Variants in CNOT1 observed in about 807,000 individuals in gnomAD.
CNOT1 encodes CCR4-NOT transcription complex subunit 1.
CNOT1 carries 15 observed loss-of-function variants against 273.8 expected under a neutral mutation model. The observed-to-expected ratio is 0.05, with a 90% CI of 0.04 to 0.08. CNOT1 has a LOEUF of 0.08. Ranked by LOEUF, CNOT1 falls within the 10% of genes least tolerant of loss-of-function variation. The pLI, the probability that CNOT1 is intolerant of heterozygous loss-of-function variation, is 1.00. For missense variants in CNOT1, 1,644 were observed against 2,912.2 expected (o/e 0.56, Z 10.02); for synonymous variants, 1,022 against 1,005.5 (o/e 1.02, Z -0.31).
chr16:58,550,354 G>C (rs967181098), intron 24 of CNOT1, among the ~76,000 whole-genome samples: 1 of 152,072 alleles, frequency 6.6e-6, no homozygotes, highest in Non-Finnish European at 1.5e-5. Context: ...ATTAAATGTA[G>C]ATTTTCTTCT....
rs527624689 is a variant in CNOT1 at position 58,591,733 on chromosome 16, G to A, written c.103-2827C>T. Among the ~76,000 whole-genome samples the A allele has an allele frequency of 6.0e-4, 90 of 150,244 alleles. 1 individual carries two copies. The highest frequency in any genetic ancestry group is 1.1e-3 in the Non-Finnish European group (76 of 67,750). ...CATACCATTGCACTCCAGCCTGGGC[G>A]ACAAGAGCAAAACTCCGTCTCGAAA... On this transcript the variant is annotated intron_variant, in intron 2 of 48. Transcript: ENST00000317147.
chr16:58,551,287 T>C lies in CNOT1; in HGVS notation c.3202-15A>G, dbSNP rs1489871927. 1 of 1,528,158 alleles carries C rather than the reference T, an allele frequency of 6.5e-7. No individual in the cohort carries two copies. The highest frequency in any genetic ancestry group is 8.8e-7 in the Non-Finnish European group (1 of 1,138,178). The allele number at this position is 1,528,158 out of a possible 1,614,324, so 94.7% of individuals were successfully genotyped here. A position where few individuals can be genotyped will look rare whatever the true frequency, so the allele number is the denominator to read the frequency against. ...TTAATAGAAGGCTAAAAAAAAAAAATAAAGTACATAAGGCAAATAAGTTGA... is the reference window on the plus strand; with the variant it reads ...TTAATAGAAGGCTAAAAAAAAAAAACAAAGTACATAAGGCAAATAAGTTGA... On this transcript the variant is annotated splice_polypyrimidine_tract_variant and intron_variant, in intron 23 of 48. Transcript: ENST00000317147.
At chr16:58,601,309 G>GCA (rs1224708682) in intron 1 of CNOT1, among the ~76,000 whole-genome samples, 1 of 152,134 alleles carries the variant, frequency 6.6e-6, no homozygotes, top group African/African-American at 2.4e-5. Flanking sequence ...TGATGGCCAG[G>GCA]CTGGTCTCTT....
At chr16:58,528,106 C>G in intron 44 of CNOT1, 2 of 458,916 alleles carry the variant, frequency 4.4e-6, no homozygotes, top group South Asian at 3.1e-5. Context: ...GAGTAAGACT[C>G]TGCCTCAAAA....
intron 10 of CNOT1, among the ~76,000 whole-genome samples, chr16:58,582,541 A>G (rs2041692461): frequency 6.6e-6 from 1 of 152,242 alleles, no homozygotes; most frequent in Non-Finnish European, 1.5e-5. Context: ...TAGAAGTGGC[A>G]AGATAATTAT....
At chr16:58,555,692 G>A (rs1489914351) in intron 20 of CNOT1, 92 bp downstream of exon 20, 1 of 1,577,566 alleles carries the variant, frequency 6.3e-7, no homozygotes, top group African/African-American at 1.4e-5. Flanking sequence ...CTATATCAGG[G>A]CACTTTGAGC....
At chr16:58,622,019 A>C (rs1374950311) in intron 1 of CNOT1, among the ~76,000 whole-genome samples, 1 of 150,006 alleles carries the variant, frequency 6.7e-6, no homozygotes, top group African/African-American at 2.5e-5. Flanking sequence ...CATCAATTGT[A>C]AGAAATGTAC....
intron 22 of CNOT1, among the ~76,000 whole-genome samples, 184 bp downstream of exon 22, chr16:58,553,598 T>G (rs961435158): frequency 5.9e-5 from 9 of 152,174 alleles, no homozygotes; most frequent in African/African-American, 2.2e-4. Flanking sequence ...GAATGATTAT[T>G]TTTTCATGTT....
Position 58,578,756 on chromosome 16 carries a change from A to G in CNOT1, c.1527T>C (p.Ile509=), listed in dbSNP as rs1252951500. ...CTGAGTTAGGATGGTTTCCAAGGAA[A>G]ATTGGCATCAGAGTGGAGATAAGTT... ...RHELISTLMP[I]FLGNHPNSAI... Residue 509 remains isoleucine, a synonymous_variant, in exon 13 of 49, where the codon ATT becomes ATC. Transcript: ENST00000317147. 3.1e-6 allele frequency: 5 copies of G among 1,614,014 alleles called. No individual in the cohort carries two copies. The East Asian group carries it at 6.7e-5, about 22-fold the overall frequency.
intron 1 of CNOT1, among the ~76,000 whole-genome samples, chr16:58,599,798 G>T (rs1164610430): frequency 6.6e-6 from 1 of 152,166 alleles, no homozygotes; most frequent in Non-Finnish European, 1.5e-5. Flanking sequence ...GGGTGTGACG[G>T]CTCACACCTG....
intron 1 of CNOT1, among the ~76,000 whole-genome samples, chr16:58,600,381 G>T (rs929814421): frequency 6.6e-6 from 1 of 152,078 alleles, no homozygotes; most frequent in African/African-American, 2.4e-5. Context: ...AAGACAACTT[G>T]TAACACTTAA....
chr16:58,629,638 G>C (rs1450196809), intron 1 of CNOT1, 90 bp downstream of exon 1: 6 of 152,742 alleles, frequency 3.9e-5, no homozygotes, highest in African/African-American at 1.4e-4. Flanking sequence ...AGTGGCCCCA[G>C]GTCCACCCCT....
chr16:58,594,669 G>A (rs376332992), intron 2 of CNOT1, among the ~76,000 whole-genome samples: 1 of 151,762 alleles, frequency 6.6e-6, no homozygotes, highest in African/African-American at 2.4e-5. Context: ...AGATGTGGTG[G>A]TGCACGCCTG....
chr16:58,597,099 G>GAAA (rs71666373), intron 2 of CNOT1, among the ~76,000 whole-genome samples: 1 of 133,522 alleles, frequency 7.5e-6, no homozygotes, highest in Non-Finnish European at 1.6e-5. Context: ...CATTTAAAAA[G>GAAA]AAAAAAAAAA....
In CNOT1 at chr16:58,558,831, T is replaced by C. The variant is rs533290805; in HGVS notation, c.2131-157A>G. 2.0e-5 allele frequency among the ~76,000 whole-genome samples: 3 copies of C among 152,354 alleles called. No individual in the cohort carries two copies. In the East Asian group the frequency reaches 5.8e-4, roughly 29 times the overall value. ...CTTAAATCCCAGTTATCAAGTCAAGTGTGTCAGTCACTTTTCTTACTGTGT... is the reference window on the plus strand; with the variant it reads ...CTTAAATCCCAGTTATCAAGTCAAGCGTGTCAGTCACTTTTCTTACTGTGT... On this transcript the variant is annotated intron_variant, in intron 17 of 48. Coordinates refer to ENST00000317147, the MANE Select transcript of CNOT1 (RefSeq NM_016284.5).
At chr16:58,602,378 A>T (rs947219514) in intron 1 of CNOT1, among the ~76,000 whole-genome samples, 1 of 151,868 alleles carries the variant, frequency 6.6e-6, no homozygotes, top group Non-Finnish European at 1.5e-5. Context: ...GCCTACTAAC[A>T]GTCTCATGGC....
intron 4 of CNOT1, 108 bp downstream of exon 4, chr16:58,587,672 C>T (rs1403414140): frequency 3.1e-6 from 4 of 1,309,040 alleles, no homozygotes; most frequent in Non-Finnish European, 4.2e-6. Context: ...CCCAAAATAA[C>T]AACCTGAAAT....
chr16:58,587,135 C>T, intron 6 of CNOT1, 66 bp downstream of exon 6: 1 of 1,559,752 alleles, frequency 6.4e-7, no homozygotes, highest in Non-Finnish European at 8.7e-7. Context: ...ATCACAGAGC[C>T]TCATGATTAA....
In CNOT1 at chr16:58,558,602, C is replaced by T. The variant is rs535445430; in HGVS notation, c.2203G>A (p.Gly735Ser). The change falls in exon 18 of 49, where the codon GGT becomes AGT. Residue 735 changes from glycine (G) to serine (S), a missense_variant. Transcript: ENST00000317147. Reference protein sequence around the residue: ...SAAPHTQSMQGFPPNLGSAFS... With the variant: ...SAAPHTQSMQSFPPNLGSAFS... ...GCAGAACCCAAATTTGGAGGAAAAC[C>T]CTGCATACTCTGGGTGTGAGGGGCA... 10 of 1,612,934 alleles carry T rather than the reference C, an allele frequency of 6.2e-6. No homozygotes were observed. The Middle Eastern group carries it at 4.9e-4, about 80-fold the overall frequency.
Sources: allele counts gnomAD v4.1 joint callset (sites outside exome capture counted in the v4.1 genomes callset), GRCh38; gene constraint gnomAD v4.1.1; transcripts MANE v1.5; gene names NCBI Gene and HGNC (gene_info 2026-07-23, HGNC 2026-07-21).